Variants in PDE10A observed in about 807,000 individuals in gnomAD.
PDE10A encodes phosphodiesterase 10A.
Under a neutral mutation model 97.7 loss-of-function variants are expected in PDE10A, and 39 were observed. The ratio of observed to expected loss-of-function variants is 0.40; its 90% CI spans 0.31 to 0.52. The LOEUF is 0.52. Ranked by LOEUF, PDE10A falls within the 20% of genes least tolerant of loss-of-function variation. PDE10A has a pLI of 0.56. For synonymous variants in PDE10A, 371 were observed against 376.8 expected (o/e 0.98, Z 0.18); for missense variants, 731 against 1,047.8 (o/e 0.70, Z 4.17).
At chr6:165,731,241 A>G (rs1792428609) in intron 1 of PDE10A, among the ~76,000 whole-genome samples, 1 of 152,152 alleles carries the variant, frequency 6.6e-6, no homozygotes, top group Non-Finnish European at 1.5e-5. Flanking sequence ...GAGACAAGGA[A>G]TCAGGAAACT....
At chr6:165,902,616 A>AT (rs1300349998) in intron 1 of PDE10A, among the ~76,000 whole-genome samples, 4 of 128,364 alleles carry the variant, frequency 3.1e-5, no homozygotes, top group Non-Finnish European at 6.8e-5. Flanking sequence ...GGAATTTGTG[A>AT]GCCCATCTAG....
rs537885528 is a variant in PDE10A, at chr6:165,507,742, G to A, written c.995-25399C>T. 2.6e-5 allele frequency among the ~76,000 whole-genome samples: 4 copies of A among 152,060 alleles called. No homozygotes were observed. The South Asian group carries it at 8.3e-4, about 32-fold the overall frequency. On this transcript the variant is annotated intron_variant, in intron 2 of 21. Coordinates refer to ENST00000539869, the MANE Select transcript of PDE10A (RefSeq NM_001385079.1). ...TGGGAATTATCGAGTTCTACTGATGGGCCCTATTGTTTTGGGGGCTTTCAG... is the reference window on the plus strand; with the variant it reads ...TGGGAATTATCGAGTTCTACTGATGAGCCCTATTGTTTTGGGGGCTTTCAG...
At chr6:165,540,925 C>T (rs2128321545) in intron 2 of PDE10A, among the ~76,000 whole-genome samples, 1 of 152,196 alleles carries the variant, frequency 6.6e-6, no homozygotes, top group Admixed American at 6.5e-5. Flanking sequence ...TCACCACGCC[C>T]AGAGAACAGG....
chr6:165,395,573 T>C (rs1200797932), intron 14 of PDE10A, among the ~76,000 whole-genome samples: 3 of 152,134 alleles, frequency 2.0e-5, no homozygotes, highest in African/African-American at 7.2e-5. Flanking sequence ...ATTAGATAAA[T>C]ATACAATCAT....
chr6:165,901,089 C>T (rs975643501), intron 1 of PDE10A, among the ~76,000 whole-genome samples: 10 of 152,182 alleles, frequency 6.6e-5, no homozygotes, highest in African/African-American at 2.4e-4. Context: ...GTGGACTCAT[C>T]CACCGAATTC....
chr6:165,868,778 A>T (rs930765144), intron 1 of PDE10A, among the ~76,000 whole-genome samples: 5 of 152,088 alleles, frequency 3.3e-5, no homozygotes, highest in Non-Finnish European at 7.4e-5. Flanking sequence ...CAACGATGTA[A>T]TAGCAAAACA....
intron 3 of PDE10A, among the ~76,000 whole-genome samples, chr6:165,467,009 T>A (rs1778694570): frequency 6.6e-6 from 1 of 152,160 alleles, no homozygotes; most frequent in South Asian, 2.1e-4. Context: ...GAAACAGCCT[T>A]ATTGCTAATA....
chr6:165,494,358 T>C (rs888932373), intron 2 of PDE10A, among the ~76,000 whole-genome samples: 4 of 151,482 alleles, frequency 2.6e-5, no homozygotes, highest in Admixed American at 2.6e-4. Context: ...AGAAAAAAGA[T>C]ACTTGCACAT....
intron 13 of PDE10A, among the ~76,000 whole-genome samples, chr6:165,411,897 C>A (rs1465275073): frequency 6.6e-6 from 1 of 152,016 alleles, no homozygotes; most frequent in East Asian, 1.9e-4. Context: ...TTGCTTTTGT[C>A]TGAAATTATT....
At chr6:165,421,587 G>A (rs886520088) in intron 10 of PDE10A, among the ~76,000 whole-genome samples, 4 of 152,030 alleles carry the variant, frequency 2.6e-5, no homozygotes, top group African/African-American at 9.7e-5. Flanking sequence ...TAACAAAATC[G>A]CTGCCTTAAG....
chr6:165,960,620 C>G (rs697462), intron 1 of PDE10A, among the ~76,000 whole-genome samples: 1 of 151,986 alleles, frequency 6.6e-6, no homozygotes, highest in African/African-American at 2.4e-5. Flanking sequence ...GTTGTAGAAT[C>G]GAGAGATTTT....
At chr6:165,960,822 C>T (rs774933492) in intron 1 of PDE10A, among the ~76,000 whole-genome samples, 2 of 152,150 alleles carry the variant, frequency 1.3e-5, no homozygotes, top group Non-Finnish European at 2.9e-5. Flanking sequence ...CAGAGGAGCA[C>T]TCTGTGTGAG....
intron 1 of PDE10A, among the ~76,000 whole-genome samples, chr6:165,791,150 T>G (rs565706970): frequency 6.6e-6 from 1 of 151,994 alleles, no homozygotes; most frequent in Admixed American, 6.5e-5. Flanking sequence ...GGTCTCACTA[T>G]GTTGTCCAGG....
At position 165,671,033 on chromosome 6, in the gene PDE10A, T is replaced by C. The variant is rs886810149; in HGVS notation, c.-614-127465A>G. On this transcript the variant is annotated intron_variant, in intron 1 of 19. Coordinates refer to the PDE10A transcript ENST00000366882. The surrounding 1 kb of genome is among the most constrained non-coding windows in gnomAD (Gnocchi z 4.6). ...TTTATACGTCTACAGACTAGGGTTA[T>C]CTGACCCATCTTTCCGATCAGATTG... Among the ~76,000 whole-genome samples the C allele has an allele frequency of 8.5e-5, 13 of 152,324 alleles. No homozygotes were observed. In the East Asian group the frequency reaches 2.3e-3, roughly 27 times the overall value.
intron 1 of PDE10A, among the ~76,000 whole-genome samples, chr6:165,927,599 C>CT (rs960672768): frequency 1.3e-3 from 179 of 132,840 alleles, no homozygotes; most frequent in Non-Finnish European, 2.2e-3. Flanking sequence ...GCTTATATGT[C>CT]TTTTTTTTCT....
At chr6:165,490,924 C>A (rs111802186) in intron 2 of PDE10A, among the ~76,000 whole-genome samples, 1 of 152,156 alleles carries the variant, frequency 6.6e-6, no homozygotes, top group African/African-American at 2.4e-5. Flanking sequence ...CACTGAACTC[C>A]AGCCTGGGGC....
intron 1 of PDE10A, among the ~76,000 whole-genome samples, chr6:165,604,749 G>A (rs769656044): frequency 1.3e-5 from 2 of 152,138 alleles, no homozygotes; most frequent in Non-Finnish European, 2.9e-5. Context: ...AATACAAAAG[G>A]AAGCTGCTAA....
At chr6:165,391,200 G>C (rs1021134554) in intron 16 of PDE10A, among the ~76,000 whole-genome samples, 9 of 152,056 alleles carry the variant, frequency 5.9e-5, no homozygotes, top group Non-Finnish European at 1.3e-4. Context: ...TTCTTTTAGA[G>C]ATTAAATTTC....
chr6:165,582,494 C>A (rs1785670822), intron 1 of PDE10A, among the ~76,000 whole-genome samples: 1 of 151,556 alleles, frequency 6.6e-6, no homozygotes, highest in African/African-American at 2.4e-5. Context: ...ATTGTCAAGT[C>A]TAAATAAAAT....
Sources: gnomAD v4.1 joint callset for allele counts (sites outside exome capture counted in the v4.1 genomes callset) on GRCh38, gnomAD v4.1.1 for gene constraint, Gnocchi (gnomAD v3.1) non-coding constraint, MANE v1.5 for transcripts, NCBI Gene and HGNC (gene_info 2026-07-23, HGNC 2026-07-21) for gene names.